The following TAF1 variants were observed in gnomAD, a reference collection of about 807,000 sequenced individuals.
The protein encoded by TAF1 is transcription initiation factor TFIID subunit 1.
In TAF1, 2 loss-of-function variants were observed where a neutral mutation model predicts 138.5. The ratio of observed to expected loss-of-function variants is 0.01; its 90% CI spans 0.01 to 0.05. The LOEUF (loss-of-function observed/expected upper bound fraction) is 0.05, where lower values mean the gene tolerates loss of function less well. Ranked by LOEUF, TAF1 falls within the 10% of genes least tolerant of loss-of-function variation. TAF1 has a pLI of 1.00. For missense variants in TAF1, 709 were observed against 1,478.0 expected (o/e 0.48, Z 8.53); for synonymous variants, 437 against 503.2 (o/e 0.87, Z 1.76).
intron 25 of TAF1, 152 bp from the exon 26 acceptor site, chrX:71,406,486 C>T: frequency 2.1e-6 from 1 of 470,927 alleles, no homozygotes; most frequent in Non-Finnish European, 3.5e-6. Flanking sequence ...CTGATCTGAA[C>T]CTTAGAAGGT....
At chrX:71,394,281 G>A (rs1335926968) in intron 22 of TAF1, 36 bp downstream of exon 22, 2 of 1,164,185 alleles carry the variant, frequency 1.7e-6, no homozygotes, top group African/African-American at 3.6e-5. Context: ...ATAAAAAAGA[G>A]AAGGGTTAAA....
Position 71,404,318 on chromosome X carries a change from A to G in TAF1, c.3999-2320A>G, listed in dbSNP as rs982744251. Among the ~76,000 whole-genome samples, 107 of 109,943 alleles carry G rather than the reference A, an allele frequency of 9.7e-4. 1 individual carries two copies. Among genetic ancestry groups the G allele is most frequent in the Admixed American group, 2.2e-3 (22 of 10,227 alleles). On this transcript the variant is annotated intron_variant, in intron 25 of 37. Coordinates refer to ENST00000423759, the MANE Select transcript of TAF1 (RefSeq NM_004606.5). ...GCTCTCTTTCAAATTTTCCTATCCT[A>G]TATACCTAGAGTCGGCCATTTCTCC... is the stretch of plus-strand genomic sequence containing the variant.
chrX:71,528,299 A>C (rs756684586), intron 13 of TAF1: 1 of 275,401 alleles, frequency 3.6e-6, no homozygotes, highest in East Asian at 9.9e-5. Flanking sequence ...GCTCCTCTGT[A>C]AGGCTTGTCA....
At chrX:71,488,985 T>C (rs1397805844) in intron 13 of TAF1, among the ~76,000 whole-genome samples, 2 of 108,127 alleles carry the variant, frequency 1.8e-5, no homozygotes, top group Non-Finnish European at 3.8e-5. Flanking sequence ...GAGAATCGCT[T>C]GAACCTGGGA....
intron 28 of TAF1, among the ~76,000 whole-genome samples, chrX:71,410,481 G>GGAGTCTT (rs2035724318): frequency 1.2e-5 from 1 of 85,289 alleles, no homozygotes; most frequent in African/African-American, 4.8e-5. Flanking sequence ...TTTTTGAGAC[G>GGAGTCTT]GAGTCTTGCT....
intron 14 of TAF1, chrX:71,529,494 C>T (rs890642977): frequency 8.8e-6 from 2 of 226,029 alleles, no homozygotes; most frequent in African/African-American, 5.9e-5. Flanking sequence ...CCACCCAACC[C>T]AGAAGTCCAG....
chrX:71,431,468 CT>C (rs1416423296), intron 32 of TAF1, among the ~76,000 whole-genome samples: 1 of 110,652 alleles, frequency 9.0e-6, no homozygotes, highest in African/African-American at 3.3e-5. Context: ...TCCTTGAACC[CT>C]CTGATGTTGT....
At chrX:71,502,117 TG>T (rs2039520354) in intron 13 of TAF1, among the ~76,000 whole-genome samples, 2 of 111,653 alleles carry the variant, frequency 1.8e-5, no homozygotes, top group Admixed American at 1.9e-4. Flanking sequence ...TGCTACTGGC[TG>T]GGGTGGCCAG....
chrX:71,406,612 A>G, intron 25 of TAF1, 26 bp from the exon 26 acceptor site: 1 of 1,185,806 alleles, frequency 8.4e-7, no homozygotes, highest in Middle Eastern at 2.4e-4. Flanking sequence ...TAGGGGCTGT[A>G]TCTAACTAAA....
chrX:71,422,503 C>A (rs1364650362), intron 29 of TAF1, among the ~76,000 whole-genome samples: 1 of 87,543 alleles, frequency 1.1e-5, no homozygotes, highest in Admixed American at 1.3e-4. Context: ...TTTTTGTATT[C>A]TTAGTAGAGA....
At chrX:71,404,042 C>T (rs897200544) in intron 25 of TAF1, among the ~76,000 whole-genome samples, 14 of 108,811 alleles carry the variant, frequency 1.3e-4, no homozygotes, top group African/African-American at 4.7e-4. Context: ...GGCGCAATCT[C>T]GGCTCACTGA....
intron 14 of TAF1, chrX:71,529,507 G>T: frequency 4.4e-6 from 1 of 229,713 alleles, no homozygotes; most frequent in Non-Finnish European, 8.0e-6. Context: ...AAGTCCAGCT[G>T]GCTTCACCAC....
At chrX:71,394,411 G>A (rs897929817) in intron 22 of TAF1, among the ~76,000 whole-genome samples, 166 bp downstream of exon 22, 9 of 112,656 alleles carry the variant, frequency 8.0e-5, no homozygotes, top group African/African-American at 2.9e-4. Context: ...TGGACTCTAG[G>A]ATTGTCTGTG....
chrX:71,370,909 AC>A (rs1439143388), intron 3 of TAF1, among the ~76,000 whole-genome samples: 1 of 112,096 alleles, frequency 8.9e-6, no homozygotes, highest in African/African-American at 3.2e-5. Flanking sequence ...GATGATGTGA[AC>A]AAATGCAGAA....
chrX:71,396,974 G>A (rs916457395), intron 22 of TAF1, among the ~76,000 whole-genome samples: 6 of 99,575 alleles, frequency 6.0e-5, no homozygotes, highest in Non-Finnish European at 8.0e-5. Flanking sequence ...GCAGTGAGCC[G>A]AGATTGCACC....
intron 13 of TAF1, among the ~76,000 whole-genome samples, chrX:71,487,648 T>G (rs2147526550): frequency 8.9e-6 from 1 of 112,445 alleles, no homozygotes; most frequent in South Asian, 3.6e-4. Flanking sequence ...TTTAAAAACT[T>G]AGACATTGCC....
intron 13 of TAF1, among the ~76,000 whole-genome samples, chrX:71,501,985 C>G (rs1412062078): frequency 9.0e-6 from 1 of 111,059 alleles, no homozygotes; most frequent in Non-Finnish European, 1.9e-5. Flanking sequence ...AAGCCATGGA[C>G]CTTTGCGGTG....
rs1428225209 is a variant in TAF1 at position 71,388,839 on chromosome X, A to T, written c.2671A>T (p.Ser891Cys). The T allele has an allele frequency of 2.5e-6, 3 of 1,208,674 alleles. No individual in the cohort carries two copies. Among genetic ancestry groups the T allele is most frequent in the Non-Finnish European group, 3.4e-6 (3 of 894,430 alleles). Residue 891 changes from serine (S) to cysteine (C), a missense_variant, in exon 17 of 38, where the codon AGC becomes TGC. Physicochemically the swap from Ser to Cys is moderately radical, Grantham distance 112. Transcript: ENST00000423759. ...ACCAGAGCAGTGCTGTGCTTATTAT[A>T]GCATGATAGCTGCAGAGCAACGACT... Reference protein sequence around the residue: ...VSPEQCCAYYSMIAAEQRLKD... With the variant: ...VSPEQCCAYYCMIAAEQRLKD...
intron 12 of TAF1, 21 bp downstream of exon 12, chrX:71,383,185 G>C (rs772876490): frequency 2.5e-6 from 3 of 1,199,621 alleles, no homozygotes; most frequent in Non-Finnish European, 2.3e-6. Flanking sequence ...ATTCTGGTTA[G>C]AAAACAGCTA....
Sources: gnomAD v4.1 joint callset for allele counts (sites outside exome capture counted in the v4.1 genomes callset) on GRCh38, gnomAD v4.1.1 for gene constraint, MANE v1.5 for transcripts, NCBI Gene and HGNC (gene_info 2026-07-23, HGNC 2026-07-21) for gene names.